The following LDLRAP1 variants were observed in gnomAD, a reference collection of about 807,000 sequenced individuals.
LDLRAP1 encodes the protein low density lipoprotein receptor adaptor protein 1, also known as low density lipoprotein receptor adapter protein 1.
In LDLRAP1, 30 loss-of-function variants were observed where a neutral mutation model predicts 37.8. The ratio of observed to expected loss-of-function variants is 0.79; its 90% CI spans 0.59 to 1.08. The LOEUF (loss-of-function observed/expected upper bound fraction) is 1.08, where lower values mean the gene tolerates loss of function less well. Among genes scored for constraint, LDLRAP1 ranks in the 50% least tolerant of loss-of-function variants. The probability of loss-of-function intolerance (pLI) is 0.00; values close to 1 mark genes in which losing one functional copy is unlikely to be tolerated. For missense variants in LDLRAP1, 375 were observed against 401.6 expected (o/e 0.93, Z 0.57); for synonymous variants, 156 against 169.8 (o/e 0.92, Z 0.63).
chr1:25,564,079 G>C (rs1008594931), intron 7 of LDLRAP1: 1 of 452,376 alleles, frequency 2.2e-6, no homozygotes, highest in Non-Finnish European at 4.1e-6. Flanking sequence ...AGCCAAAGGC[G>C]CCCTTGTTCT....
At chr1:25,586,210 TAGG>T in the LDLRAP1 span, among the ~76,000 whole-genome samples, 1 of 152,142 alleles carries the variant, frequency 6.6e-6, no homozygotes, top group Non-Finnish European at 1.5e-5. This position sits in a 1 kb window ranked among gnomAD's most constrained non-coding sequence, Gnocchi z 4.3. Context: ...GCTCTCATGA[TAGG>T]AGAATGGGAA....
chr1:25,566,197 C>CA (rs1313416438), intron 8 of LDLRAP1, among the ~76,000 whole-genome samples: 1 of 152,152 alleles, frequency 6.6e-6, no homozygotes, highest in Non-Finnish European at 1.5e-5. Context: ...TCCCACAGCC[C>CA]AGAGTTTTGG....
chr1:25,553,873 G>A (rs1344821795), intron 1 of LDLRAP1, 49 bp from the exon 2 acceptor site: 12 of 1,606,730 alleles, frequency 7.5e-6, no homozygotes, highest in Non-Finnish European at 9.3e-6. Context: ...TGTTGCTGGT[G>A]GTGGGCCCTG....
In LDLRAP1 at chr1:25,553,979, GC is replaced by G; in HGVS notation, c.148del (p.Leu50SerfsTer6). On this transcript the variant is annotated frameshift_variant, in exon 2 of 9. Coordinates refer to ENST00000374338, the MANE Select transcript of LDLRAP1 (RefSeq NM_015627.3). LOFTEE classifies it high-confidence loss of function. ...RETLLEGMLF[S>X]LKYLGMTLVE... The stretch of plus-strand genomic sequence containing the variant: ...ACGCTGCTGGAGGGGATGCTGTTCA[GC>G]CTCAAGTACCTGGGCATGACGCTAG... 6.2e-7 allele frequency: 1 copy of G among 1,614,082 alleles called. No homozygotes were observed. Among genetic ancestry groups the G allele is most frequent in the Non-Finnish European group, 8.5e-7 (1 of 1,180,020 alleles).
chr1:25,567,335 A>G lies in LDLRAP1; in HGVS notation c.*343A>G. On this transcript the variant is annotated 3_prime_UTR_variant, in exon 9 of 9. Transcript: ENST00000374338. ...AGCAAGCTCTGCCCTGGCTGTGGGTATCAGGACTGTGACCAAAGCATTTCT... is the reference window on the plus strand; with the variant it reads ...AGCAAGCTCTGCCCTGGCTGTGGGTGTCAGGACTGTGACCAAAGCATTTCT... 2.5e-6 allele frequency: 1 copy of G among 393,000 alleles called. No individual in the cohort carries two copies. The highest frequency in any genetic ancestry group is 4.9e-6 in the Non-Finnish European group (1 of 205,630). The allele number at this position is 393,000 out of a possible 1,614,324, so 24.3% of individuals were successfully genotyped here.
intron 6 of LDLRAP1, 58 bp downstream of exon 6, chr1:25,563,211 AGGGGGGTCCCACTCCT>A (rs1298499049): frequency 6.7e-7 from 1 of 1,482,614 alleles, no homozygotes; most frequent in Admixed American, 1.7e-5. Context: ...CGCTTCACCC[AGGGGGGTCCCACTCCT>A]GCCTGGGCTG....
chr1:25,573,154 C>T (rs1158735589), downstream of LDLRAP1, among the ~76,000 whole-genome samples: 1 of 152,158 alleles, frequency 6.6e-6, no homozygotes, highest in Non-Finnish European at 1.5e-5. Context: ...AAGGCCCACC[C>T]AGGGTAGCCA....
At position 25,562,652 on chromosome 1, in the gene LDLRAP1, T is replaced by C; in HGVS notation, c.468T>C (p.Ala156=). The change falls in exon 5 of 9, where the codon GCT becomes GCC. Residue 156 remains alanine, a synonymous_variant. Coordinates refer to ENST00000374338, the MANE Select transcript of LDLRAP1 (RefSeq NM_015627.3). The part of the protein sequence containing the change: ...FLCTKRKMAQ[A]VTLTVAQAFK... The stretch of plus-strand genomic sequence containing the variant: ...CCACTTCCTGTTTTCAGGCACAGGC[T>C]GTTACCCTCACCGTAGCCCAGGCCT... 1 of 1,614,180 alleles carries C rather than the reference T, an allele frequency of 6.2e-7. No homozygotes were observed. The highest frequency in any genetic ancestry group is 1.1e-5 in the South Asian group (1 of 91,084).
chr1:25,580,449 A>AT, the LDLRAP1 span, among the ~76,000 whole-genome samples: 1 of 152,176 alleles, frequency 6.6e-6, no homozygotes, highest in South Asian at 2.1e-4. Flanking sequence ...AAAGCTAGAA[A>AT]TTATTCACCT....
At chr1:25,561,801 G>A (rs746484127) in intron 4 of LDLRAP1, among the ~76,000 whole-genome samples, 2 of 152,196 alleles carry the variant, frequency 1.3e-5, no homozygotes, top group Admixed American at 6.5e-5. Context: ...GCCTGCTCCC[G>A]AGGGCAGGGG....
At position 25,563,493 on chromosome 1, in the gene LDLRAP1, C is replaced by G; in HGVS notation, c.617-168C>G. ...CTAAGCCATTAGTCAGGTTCTCACT[C>G]TGTGGGCAGCTGCGCATCTGCTGTG... On this transcript the variant is annotated intron_variant, in intron 6 of 8. Transcript: ENST00000374338. The G allele has an allele frequency of 4.7e-6, 4 of 859,724 alleles. No homozygotes were observed. The South Asian group carries it at 5.9e-5, about 13-fold the overall frequency. 53.3% of individuals were successfully genotyped at this position (859,724 alleles called of 1,614,324 possible). A position where few individuals can be genotyped will look rare whatever the true frequency, so the allele number is the denominator to read the frequency against.
intron 1 of LDLRAP1, among the ~76,000 whole-genome samples, chr1:25,547,619 G>T (rs1166033409): frequency 6.6e-6 from 1 of 152,264 alleles, no homozygotes; most frequent in East Asian, 1.9e-4. Flanking sequence ...CCGTTCCACT[G>T]GAGGGGCAGT....
chr1:25,557,863 C>G (rs2124676411), intron 4 of LDLRAP1, among the ~76,000 whole-genome samples: 1 of 149,428 alleles, frequency 6.7e-6, no homozygotes, highest in Admixed American at 6.7e-5. Context: ...AAGGTGGCAA[C>G]TGTTACTCTC....
At chr1:25,549,018 G>A (rs1217696618) in intron 1 of LDLRAP1, among the ~76,000 whole-genome samples, 1 of 152,214 alleles carries the variant, frequency 6.6e-6, no homozygotes, top group Non-Finnish European at 1.5e-5. Flanking sequence ...GAACTCCACA[G>A]CCCATAGCAT....
At chr1:25,551,687 A>G (rs910678253) in intron 1 of LDLRAP1, among the ~76,000 whole-genome samples, 5 of 152,108 alleles carry the variant, frequency 3.3e-5, no homozygotes, top group African/African-American at 1.2e-4. Context: ...ATCAAATGGA[A>G]TAGGCTTGTG....
At chr1:25,588,254 C>CG in the LDLRAP1 span, among the ~76,000 whole-genome samples, 2 of 152,174 alleles carry the variant, frequency 1.3e-5, no homozygotes, top group African/African-American at 4.8e-5. Context: ...GACCGTCCCC[C>CG]GGCCCGACAC....
At chr1:25,562,111 A>G (rs1370562036) in intron 4 of LDLRAP1, among the ~76,000 whole-genome samples, 2 of 151,872 alleles carry the variant, frequency 1.3e-5, no homozygotes, top group Non-Finnish European at 2.9e-5. Flanking sequence ...CAAGCCTTCT[A>G]CTCTCTTTGT....
chr1:25,580,756 C>T, the LDLRAP1 span, among the ~76,000 whole-genome samples: 1 of 152,190 alleles, frequency 6.6e-6, no homozygotes. Flanking sequence ...AAGCAGTCCT[C>T]CTGCCTTGGC....
chr1:25,549,111 A>G (rs1452306799), intron 1 of LDLRAP1, among the ~76,000 whole-genome samples: 2 of 152,272 alleles, frequency 1.3e-5, no homozygotes, highest in African/African-American at 4.8e-5. Context: ...TTCTTTTGAT[A>G]ACAATCTCAA....
Sources: allele counts gnomAD v4.1 joint callset (sites outside exome capture counted in the v4.1 genomes callset), GRCh38; gene constraint gnomAD v4.1.1; non-coding constraint Gnocchi (gnomAD v3.1); transcripts MANE v1.5; gene names NCBI Gene and HGNC (gene_info 2026-07-23, HGNC 2026-07-21).